FHIT: variants seen among roughly 807,000 people sequenced by gnomAD.
FHIT encodes the protein fragile histidine triad diadenosine triphosphatase, also known as bis(5'-adenosyl)-triphosphatase.
A neutral mutation model predicts 17.9 loss-of-function variants in FHIT; 19 were observed. That is an observed-to-expected ratio of 1.06 (90% CI 0.74 to 1.56). The LOEUF (loss-of-function observed/expected upper bound fraction) is 1.56, where lower values mean the gene tolerates loss of function less well. FHIT is among the 40% of genes most tolerant of loss of function. The pLI is 0.00. For missense variants in FHIT, 248 were observed against 189.2 expected, an observed-to-expected ratio of 1.31 and a Z score of -1.82; for synonymous variants, 81 against 69.7, an observed-to-expected ratio of 1.16 and a Z score of -0.81.
intron 5 of FHIT, among the ~76,000 whole-genome samples, chr3:60,058,141 T>G (rs1011624718): frequency 3.0e-5 from 4 of 131,432 alleles, no homozygotes; most frequent in Admixed American, 7.6e-5. Flanking sequence ...TTTTTTTTTT[T>G]TTTTTTTTTT....
intron 5 of FHIT, among the ~76,000 whole-genome samples, chr3:60,359,275 A>G: frequency 7.2e-6 from 1 of 138,662 alleles, no homozygotes; most frequent in South Asian, 2.4e-4. Flanking sequence ...ATATGAAAAT[A>G]TCTTTTTTTT....
At chr3:59,813,070 T>A (rs1309133063) in intron 8 of FHIT, among the ~76,000 whole-genome samples, 2 of 152,242 alleles carry the variant, frequency 1.3e-5, no homozygotes, top group African/African-American at 4.8e-5. Context: ...CCATTAAAAA[T>A]GGTAATGTCA....
chr3:60,190,924 C>A (rs372146607), intron 5 of FHIT, among the ~76,000 whole-genome samples: 12 of 151,962 alleles, frequency 7.9e-5, no homozygotes, highest in African/African-American at 2.9e-4. Flanking sequence ...GCCTGAGCAA[C>A]AGAGTGAGAC....
intron 5 of FHIT, among the ~76,000 whole-genome samples, chr3:60,059,983 T>C (rs1702234979): frequency 6.6e-6 from 1 of 152,212 alleles, no homozygotes; most frequent in South Asian, 2.1e-4. Flanking sequence ...CATGAGTTGT[T>C]GTTTTTTGTT....
At chr3:61,180,836 T>C (rs890426558) in intron 2 of FHIT, among the ~76,000 whole-genome samples, 2 of 152,194 alleles carry the variant, frequency 1.3e-5, no homozygotes, top group Non-Finnish European at 2.9e-5. Context: ...AGAAAGAGCA[T>C]GGGAACTGCT....
At chr3:59,994,264 T>C (rs563536908) in intron 7 of FHIT, among the ~76,000 whole-genome samples, 1 of 152,194 alleles carries the variant, frequency 6.6e-6, no homozygotes, top group East Asian at 1.9e-4. Flanking sequence ...TTACCATCAA[T>C]GCAAATAGAT....
At chr3:60,516,569 C>CT (rs375478891) in intron 5 of FHIT, among the ~76,000 whole-genome samples, 20 of 152,184 alleles carry the variant, frequency 1.3e-4, no homozygotes, top group African/African-American at 4.6e-4. Context: ...CACTTAATAG[C>CT]TGTTTGGTCT....
At position 60,397,427 on chromosome 3, in the gene FHIT, A is replaced by G. The variant is rs140493529; in HGVS notation, c.103+139433T>C. Among the ~76,000 whole-genome samples, 6 of 152,294 alleles carry G rather than the reference A, an allele frequency of 3.9e-5. No individual in the cohort carries two copies. The East Asian group carries it at 7.7e-4, about 20-fold the overall frequency. On this transcript the variant is annotated intron_variant, in intron 5 of 9. Coordinates refer to ENST00000492590, the MANE Select transcript of FHIT (RefSeq NM_002012.4). ...CTTCCAAGAGAGGTCTGGCAGGCCA[A>G]CTAGGAGTCCTTGAGCCCATGTTCC...
intron 7 of FHIT, among the ~76,000 whole-genome samples, chr3:59,968,912 A>G (rs1708054893): frequency 6.6e-6 from 1 of 152,194 alleles, no homozygotes; most frequent in African/African-American, 2.4e-5. Context: ...AGTGCAGGAA[A>G]GAGACCAAGA....
intron 4 of FHIT, among the ~76,000 whole-genome samples, chr3:60,661,593 G>A (rs1304814188): frequency 1.3e-5 from 2 of 152,120 alleles, no homozygotes; most frequent in Non-Finnish European, 2.9e-5. Context: ...TGGATCAAAT[G>A]GTAGTTTTAC....
At chr3:60,402,951 C>T (rs1384564907) in intron 5 of FHIT, among the ~76,000 whole-genome samples, 1 of 152,186 alleles carries the variant, frequency 6.6e-6, no homozygotes, top group Non-Finnish European at 1.5e-5. Context: ...TCAAGGACCA[C>T]CTTTGTACAG....
At chr3:60,730,229 C>T in intron 4 of FHIT, 1 of 279,038 alleles carries the variant, frequency 3.6e-6, no homozygotes, top group South Asian at 4.5e-5. Context: ...TGCTGTACAG[C>T]TGTCATGGCC....
Position 60,991,479 on chromosome 3 carries a change from G to A in FHIT, c.-111+50568C>T, listed in dbSNP as rs114425942. Reference sequence around the variant, plus strand: ...TTTTAAAAATTACAGCTGTCTGGGCGTCATGGGGGAAGAAAATGGACAAAA... The same window carrying A: ...TTTTAAAAATTACAGCTGTCTGGGCATCATGGGGGAAGAAAATGGACAAAA... On this transcript the variant is annotated intron_variant, in intron 3 of 9. Coordinates refer to ENST00000492590, the MANE Select transcript of FHIT (RefSeq NM_002012.4). 2.9e-3 allele frequency among the ~76,000 whole-genome samples: 439 copies of A among 152,302 alleles called. 2 individuals carry two copies. Among genetic ancestry groups the A allele is most frequent in the African/African-American group, 0.01 (423 of 41,560 alleles).
At position 60,680,866 on chromosome 3, in the gene FHIT, T is replaced by C. The variant is rs1159968163; in HGVS notation, c.-18+141053A>G. 4.6e-5 allele frequency among the ~76,000 whole-genome samples: 7 copies of C among 152,262 alleles called. No homozygotes were observed. The South Asian group carries it at 1.0e-3, about 23-fold the overall frequency. On this transcript the variant is annotated intron_variant, in intron 4 of 9. Transcript: ENST00000492590. The stretch of plus-strand genomic sequence containing the variant: ...CCATTTTACTTTTTTTGCTTATTGT[T>C]GAAATCCCCAAATTGTTGAGAAAAC...
chr3:60,055,732 C>T (rs1004395075), intron 5 of FHIT, among the ~76,000 whole-genome samples: 2 of 152,126 alleles, frequency 1.3e-5, no homozygotes, highest in Non-Finnish European at 2.9e-5. Flanking sequence ...GGGATGCAAA[C>T]TTTAGCTCAG....
chr3:61,017,573 T>G (rs1465089499), intron 3 of FHIT, among the ~76,000 whole-genome samples: 1 of 152,192 alleles, frequency 6.6e-6, no homozygotes, highest in African/African-American at 2.4e-5. Flanking sequence ...CCATTAGCCT[T>G]GATTAGGGAC....
intron 5 of FHIT, among the ~76,000 whole-genome samples, chr3:60,284,327 A>G (rs1341025904): frequency 1.3e-5 from 2 of 152,152 alleles, no homozygotes; most frequent in Non-Finnish European, 2.9e-5. Flanking sequence ...TAGAAATTAG[A>G]CAAAATGTGA....
chr3:60,580,989 G>A (rs188905579), intron 4 of FHIT, among the ~76,000 whole-genome samples: 18 of 152,124 alleles, frequency 1.2e-4, no homozygotes, highest in Admixed American at 6.6e-4. Context: ...AGTCTGGGGC[G>A]GTGGCTGAGA....
chr3:61,164,454 T>TA (rs2037779125), intron 2 of FHIT, among the ~76,000 whole-genome samples: 2 of 152,284 alleles, frequency 1.3e-5, no homozygotes, highest in South Asian at 4.1e-4. Context: ...TGATGCTTGT[T>TA]AGAGACTCAT....
Sources: allele counts gnomAD v4.1 joint callset (sites outside exome capture counted in the v4.1 genomes callset), GRCh38; gene constraint gnomAD v4.1.1; transcripts MANE v1.5; gene names NCBI Gene and HGNC (gene_info 2026-07-23, HGNC 2026-07-21).